RSPRY1: variants seen among roughly 807,000 people sequenced by gnomAD.
RSPRY1 encodes the protein RING finger and SPRY domain-containing protein 1.
RSPRY1 carries 23 observed loss-of-function variants against 73.1 expected under a neutral mutation model. The ratio of observed to expected loss-of-function variants is 0.31; its 90% CI spans 0.23 to 0.45. The LOEUF is 0.45. Among genes scored for constraint, RSPRY1 ranks in the 20% least tolerant of loss-of-function variants. The pLI is 1.00. For missense variants in RSPRY1, 448 were observed against 698.7 expected (o/e 0.64, Z 4.05); for synonymous variants, 226 against 251.4 (o/e 0.90, Z 0.95).
intron 12 of RSPRY1, 96 bp downstream of exon 12, chr16:57,230,909 G>T: frequency 1.3e-6 from 1 of 768,192 alleles, no homozygotes; most frequent in South Asian, 1.6e-5. Context: ...ATATGCAATT[G>T]TGATGAGAAA....
At chr16:57,200,734 G>C (rs1159513404) in intron 1 of RSPRY1, among the ~76,000 whole-genome samples, 1 of 136,264 alleles carries the variant, frequency 7.3e-6, no homozygotes, top group South Asian at 2.3e-4. Context: ...CAGTAGGGGC[G>C]GCCGGGCAGA....
intron 13 of RSPRY1, among the ~76,000 whole-genome samples, chr16:57,231,854 C>A (rs1390321266): frequency 6.6e-6 from 1 of 152,152 alleles, no homozygotes; most frequent in East Asian, 1.9e-4. Context: ...TCAGTGAATA[C>A]CATCTTGCAT....
chr16:57,190,229 C>T (rs2074330334), intron 1 of RSPRY1, among the ~76,000 whole-genome samples: 1 of 152,008 alleles, frequency 6.6e-6, no homozygotes, highest in Non-Finnish European at 1.5e-5. Context: ...ATTAGCCCAG[C>T]GTGGTGGCAC....
At chr16:57,190,108 C>G (rs2074327503) in intron 1 of RSPRY1, among the ~76,000 whole-genome samples, 2 of 152,048 alleles carry the variant, frequency 1.3e-5, no homozygotes, top group Non-Finnish European at 2.9e-5. Context: ...TGGCTCACAC[C>G]TATAATCACA....
In RSPRY1 at chr16:57,208,079, A is replaced by G; in HGVS notation, c.372A>G (p.Ser124=). 1 of 1,596,548 alleles carries G rather than the reference A, an allele frequency of 6.3e-7. No homozygotes were observed. Among genetic ancestry groups the G allele is most frequent in the Non-Finnish European group, 8.5e-7 (1 of 1,169,898 alleles). The change falls in exon 3 of 15, where the codon TCA becomes TCG. Residue 124 remains serine, a synonymous_variant. Coordinates refer to ENST00000394420, the MANE Select transcript of RSPRY1 (RefSeq NM_133368.3). ...LVDNDQEPPY[S]MITLHEMAET... ...CCAGTGATCAGGAACCTCCCTATTC[A>G]ATGATAACATTACACGAAATGGCAG...
At chr16:57,207,312 A>G (rs1330953373) in intron 2 of RSPRY1, among the ~76,000 whole-genome samples, 20 of 151,880 alleles carry the variant, frequency 1.3e-4, no homozygotes, top group African/African-American at 4.3e-4. Flanking sequence ...TTAAGATGAT[A>G]GTTTTTGGGG....
At chr16:57,215,270 T>C (rs2074918846) in intron 6 of RSPRY1, among the ~76,000 whole-genome samples, 1 of 152,182 alleles carries the variant, frequency 6.6e-6, no homozygotes, top group Admixed American at 6.5e-5. Flanking sequence ...GGACACAGAC[T>C]GAGTAGCCAG....
chr16:57,233,839 T>TAC (rs1759487965), intron 13 of RSPRY1, among the ~76,000 whole-genome samples: 1 of 152,176 alleles, frequency 6.6e-6, no homozygotes, highest in Non-Finnish European at 1.5e-5. Context: ...TCACTGCTGC[T>TAC]ACCATGGTCC....
chr16:57,203,203 G>C, intron 1 of RSPRY1, among the ~76,000 whole-genome samples: 1 of 152,100 alleles, frequency 6.6e-6, no homozygotes, highest in East Asian at 1.9e-4. Context: ...GGCTGAGGTA[G>C]GAGAATTGCT....
chr16:57,219,794 T>C (rs1469019594), intron 8 of RSPRY1: 1 of 152,238 alleles, frequency 6.6e-6, no homozygotes, highest in African/African-American at 2.4e-5. Context: ...TTTGAGGTCT[T>C]AGATTTAAAT....
rs2075352469 is a variant in RSPRY1, at chr16:57,239,787, A to G, written c.*812A>G. 6.6e-6 allele frequency: 1 copy of G among 152,146 alleles called. No homozygotes were observed. The highest frequency in any genetic ancestry group is 1.5e-5 in the Non-Finnish European group (1 of 68,036). The allele number at this position is 152,146 out of a possible 1,614,324, so 9.4% of individuals were successfully genotyped here. ...TTGGTATTTAGGGTATTTTCAAGGTACCATCAAATCAGATTTCTGTTTTTT... is the reference window on the plus strand; with the variant it reads ...TTGGTATTTAGGGTATTTTCAAGGTGCCATCAAATCAGATTTCTGTTTTTT... On this transcript the variant is annotated 3_prime_UTR_variant, in exon 15 of 15. Transcript: ENST00000394420.
chr16:57,202,781 A>G (rs1358007316), intron 1 of RSPRY1, among the ~76,000 whole-genome samples: 4 of 150,694 alleles, frequency 2.7e-5, no homozygotes, highest in Non-Finnish European at 4.4e-5. Flanking sequence ...CATTTCCTTT[A>G]TCCTTTTCTT....
At chr16:57,197,186 C>T (rs1312525315) in intron 1 of RSPRY1, among the ~76,000 whole-genome samples, 4 of 152,030 alleles carry the variant, frequency 2.6e-5, no homozygotes, top group African/African-American at 9.7e-5. Context: ...TAGCTTTCAC[C>T]CAGTCTTTTG....
intron 6 of RSPRY1, among the ~76,000 whole-genome samples, chr16:57,214,428 G>C (rs1032052230): frequency 3.3e-5 from 5 of 152,160 alleles, no homozygotes; most frequent in Non-Finnish European, 7.4e-5. Flanking sequence ...CTGAGGCTGT[G>C]CCCTCAGATC....
Position 57,204,789 on chromosome 16 carries a change from G to A in RSPRY1, c.131G>A (p.Cys44Tyr). 4 of 1,614,140 alleles carry A rather than the reference G, an allele frequency of 2.5e-6. No individual in the cohort carries two copies. Among genetic ancestry groups the A allele is most frequent in the Non-Finnish European group, 3.4e-6 (4 of 1,180,026 alleles). ...GGAATTMGNS[C>Y]ICRDDSGTDD... is the part of the protein sequence containing the mutation. ...GCCGCTACTACCATGGGTAATTCCT[G>A]TATCTGCCGAGATGACAGTGGAACA... The change falls in exon 2 of 15, where the codon TGT becomes TAT. Residue 44 changes from cysteine (C) to tyrosine (Y), a missense_variant. Cys to Tyr is a radical substitution (Grantham distance 194). Coordinates refer to ENST00000394420, the MANE Select transcript of RSPRY1 (RefSeq NM_133368.3).
At chr16:57,228,737 A>G (rs1370447413) in intron 11 of RSPRY1, among the ~76,000 whole-genome samples, 1 of 152,164 alleles carries the variant, frequency 6.6e-6, no homozygotes, top group African/African-American at 2.4e-5. Flanking sequence ...TCGATAGCCC[A>G]GGCTTGCGTG....
rs2075355336 is a variant in RSPRY1, at chr16:57,240,018, T to G, written c.*1043T>G. 1.3e-5 allele frequency: 2 copies of G among 152,316 alleles called. No individual in the cohort carries two copies. Among genetic ancestry groups the G allele is most frequent in the South Asian group, 4.1e-4 (2 of 4,828 alleles). The allele number at this position is 152,316 out of a possible 1,614,324, so 9.4% of individuals were successfully genotyped here. A position where few individuals can be genotyped will look rare whatever the true frequency, so the allele number is the denominator to read the frequency against. ...TGTTAATCCCTCTCAGGGTCTCTGGTGAAGACCTTCAAGAGTTTGGTTTTT... is the reference window on the plus strand; with the variant it reads ...TGTTAATCCCTCTCAGGGTCTCTGGGGAAGACCTTCAAGAGTTTGGTTTTT... On this transcript the variant is annotated 3_prime_UTR_variant, in exon 15 of 15. Coordinates refer to ENST00000394420, the MANE Select transcript of RSPRY1 (RefSeq NM_133368.3).
intron 1 of RSPRY1, among the ~76,000 whole-genome samples, chr16:57,193,160 T>C (rs2074380243): frequency 6.6e-6 from 1 of 152,240 alleles, no homozygotes; most frequent in South Asian, 2.1e-4. Context: ...AATGGTACTC[T>C]GTGTGACCTA....
At chr16:57,215,692 G>A (rs1216217845) in intron 6 of RSPRY1, among the ~76,000 whole-genome samples, 1 of 152,162 alleles carries the variant, frequency 6.6e-6, no homozygotes, top group Non-Finnish European at 1.5e-5. Flanking sequence ...ACTTGTTAGT[G>A]ATAAGTGGTT....
Sources: allele counts gnomAD v4.1 joint callset (sites outside exome capture counted in the v4.1 genomes callset), GRCh38; gene constraint gnomAD v4.1.1; transcripts MANE v1.5; gene names NCBI Gene and HGNC (gene_info 2026-07-23, HGNC 2026-07-21).